ENPP3: variants seen among roughly 807,000 people sequenced by gnomAD.
ENPP3 encodes ectonucleotide pyrophosphatase/phosphodiesterase 3.
In ENPP3, 104 loss-of-function variants were observed where a neutral mutation model predicts 117.8. That is an observed-to-expected ratio of 0.88 (90% CI 0.75 to 1.04). The LOEUF (loss-of-function observed/expected upper bound fraction) is 1.04. Ranked by LOEUF, ENPP3 falls within the 50% of genes least tolerant of loss-of-function variation. The pLI, the probability that ENPP3 is intolerant of heterozygous loss-of-function variation, is 0.00. For synonymous variants in ENPP3, 380 were observed against 349.9 expected, an observed-to-expected ratio of 1.09 and a Z score of -0.96; for missense variants, 1,026 against 1,051.9, an observed-to-expected ratio of 0.98 and a Z score of 0.34.
chr6:131,647,103 A>T (rs1026846204), intron 2 of ENPP3, among the ~76,000 whole-genome samples: 13 of 151,384 alleles, frequency 8.6e-5, no homozygotes, highest in African/African-American at 2.9e-4. Flanking sequence ...CAAACTCCTG[A>T]GCTCAGGTGA....
chr6:131,717,346 C>CGG (rs1183549477), intron 15 of ENPP3, among the ~76,000 whole-genome samples: 41 of 91,256 alleles, frequency 4.5e-4, no homozygotes, highest in African/African-American at 1.2e-3. Flanking sequence ...AGAAACCCTG[C>CGG]GGGGGGTGTG....
At chr6:131,652,805 C>G (rs777009208) in intron 4 of ENPP3, 26 bp from the exon 5 acceptor site, 5 of 1,605,912 alleles carry the variant, frequency 3.1e-6, no homozygotes, top group African/African-American at 2.7e-5. Context: ...CAGCAAGTAT[C>G]AAGATTTTGA....
chr6:131,657,725 T>G (rs1778414820), intron 5 of ENPP3, among the ~76,000 whole-genome samples: 1 of 152,178 alleles, frequency 6.6e-6, no homozygotes, highest in Non-Finnish European at 1.5e-5. Flanking sequence ...TGGTGGGGTG[T>G]GGTTTGGAGA....
intron 11 of ENPP3, among the ~76,000 whole-genome samples, chr6:131,679,895 G>T (rs896652142): frequency 6.6e-6 from 1 of 152,158 alleles, no homozygotes; most frequent in Non-Finnish European, 1.5e-5. Flanking sequence ...CAAGCTATGA[G>T]AATTATCTCC....
chr6:131,645,919 C>T (rs908349655), intron 2 of ENPP3, among the ~76,000 whole-genome samples: 1 of 152,122 alleles, frequency 6.6e-6, no homozygotes, highest in African/African-American at 2.4e-5. Context: ...AATTTACGCT[C>T]TTCAATTCTG....
chr6:131,675,192 A>G lies in ENPP3; in HGVS notation c.872+3A>G, dbSNP rs1778840522. 1 of 1,490,478 alleles carries G rather than the reference A, an allele frequency of 6.7e-7. No individual in the cohort carries two copies. Among genetic ancestry groups the G allele is most frequent in the African/African-American group, 1.4e-5 (1 of 72,570 alleles). The allele number at this position is 1,490,478 out of a possible 1,614,324, so 92.3% of individuals were successfully genotyped here. A position where few individuals can be genotyped will look rare whatever the true frequency, so the allele number is the denominator to read the frequency against. On this transcript the variant is annotated splice_donor_region_variant and intron_variant, in intron 9 of 24. Transcript: ENST00000357639. ...TCCATATACATGCCTTACAACGGGT[A>G]GTGAAGCACTTTCAGATATTCTCCC...
At chr6:131,701,701 T>A (rs1232382443) in intron 15 of ENPP3, among the ~76,000 whole-genome samples, 47 of 148,810 alleles carry the variant, frequency 3.2e-4, no homozygotes, top group African/African-American at 1.1e-3. Flanking sequence ...GACAACACGG[T>A]GAAACCCCAT....
chr6:131,690,672 C>T (rs542566111), intron 14 of ENPP3, among the ~76,000 whole-genome samples: 5 of 152,128 alleles, frequency 3.3e-5, no homozygotes, highest in African/African-American at 4.8e-5. Flanking sequence ...TGACGATAAA[C>T]GCTGAGCAAA....
At chr6:131,691,317 G>A (rs868867085) in intron 14 of ENPP3, among the ~76,000 whole-genome samples, 1 of 152,010 alleles carries the variant, frequency 6.6e-6, no homozygotes, top group African/African-American at 2.4e-5. Context: ...GGCCGGGCGC[G>A]GTGGCTCATT....
intron 1 of ENPP3, among the ~76,000 whole-genome samples, chr6:131,639,389 A>G (rs116293623): frequency 0.014 from 2,112 of 150,994 alleles, 44 homozygotes; most frequent in African/African-American, 0.045. Flanking sequence ...GGCTCAAATG[A>G]TCTTCCCATC....
intron 5 of ENPP3, among the ~76,000 whole-genome samples, chr6:131,656,113 C>T (rs536260174): frequency 6.6e-6 from 1 of 152,248 alleles, no homozygotes; most frequent in East Asian, 1.9e-4. Context: ...GGAGCTTAGA[C>T]TCTTAAACCA....
intron 11 of ENPP3, among the ~76,000 whole-genome samples, chr6:131,678,913 CTT>C (rs1313411222): frequency 2.0e-3 from 102 of 51,132 alleles, no homozygotes; most frequent in African/African-American, 0.015. Flanking sequence ...TTCTCTCTTT[CTT>C]TCTTTCTTTC....
rs1778949800 is a variant in ENPP3, at chr6:131,679,005, C to CCTTG, written c.1011+1068_1011+1069insGCTT. On this transcript the variant is annotated intron_variant, in intron 11 of 24. Coordinates refer to ENST00000357639, the MANE Select transcript of ENPP3 (RefSeq NM_005021.5). ...TCCTTCCTTCCTTCCTTCCTTGCTT[C>CCTTG]CTTCCTTCCTTCCTTCCTTCCTTCT... Among the ~76,000 whole-genome samples, 4 of 82,882 alleles carry CCTTG rather than the reference C, an allele frequency of 4.8e-5. 1 individual carries two copies. Among genetic ancestry groups the CCTTG allele is most frequent in the South Asian group, 9.2e-4 (2 of 2,174 alleles). The allele number at this position is 82,882 out of a possible 152,430, so 54.4% of individuals were successfully genotyped here.
intron 15 of ENPP3, among the ~76,000 whole-genome samples, chr6:131,706,533 C>A (rs1325822101): frequency 6.6e-6 from 1 of 151,156 alleles, no homozygotes; most frequent in African/African-American, 2.5e-5. Context: ...TTTCTCAGAA[C>A]GTATCCGCAT....
chr6:131,664,169 A>G (rs763749810), intron 6 of ENPP3, among the ~76,000 whole-genome samples: 2 of 152,194 alleles, frequency 1.3e-5, no homozygotes, highest in Non-Finnish European at 2.9e-5. Flanking sequence ...TGACAGCTCT[A>G]TGCATATTAT....
intron 14 of ENPP3, among the ~76,000 whole-genome samples, chr6:131,688,523 G>A (rs1213010870): frequency 1.3e-5 from 2 of 152,170 alleles, no homozygotes; most frequent in East Asian, 1.9e-4. Flanking sequence ...AAAATGAGAA[G>A]TGCTATTCTA....
chr6:131,675,254 A>G (rs1191663386), intron 9 of ENPP3, 65 bp downstream of exon 9: 2 of 1,080,522 alleles, frequency 1.9e-6, no homozygotes, highest in African/African-American at 1.6e-5. Flanking sequence ...TTCTGTCTTA[A>G]TCTTGGTGGC....
rs1342507947 is a variant in ENPP3 at position 131,650,127 on chromosome 6, T to A, written c.255T>A (p.Phe85Leu). The change falls in exon 3 of 25, where the codon TTT becomes TTA. Residue 85 changes from phenylalanine to leucine, a missense_variant. Physicochemically the swap from Phe to Leu is conservative, Grantham distance 22 (BLOSUM62 0). Coordinates refer to ENST00000357639, the MANE Select transcript of ENPP3 (RefSeq NM_005021.5). ...ACCGAGGTGATTGCTGCTGGGATTT[T>A]GAAGACACCTGTGTGGAATCAAGTA... is the stretch of plus-strand genomic sequence containing the variant. ...CKDRGDCCWD[F>L]EDTCVESTRI... 6.2e-7 allele frequency: 1 copy of A among 1,614,122 alleles called. No individual in the cohort carries two copies. The highest frequency in any genetic ancestry group is 8.5e-7 in the Non-Finnish European group (1 of 1,179,996).
At chr6:131,656,932 G>A (rs1038320730) in intron 5 of ENPP3, among the ~76,000 whole-genome samples, 1 of 151,980 alleles carries the variant, frequency 6.6e-6, no homozygotes, top group Non-Finnish European at 1.5e-5. Flanking sequence ...TTAAAAAAGG[G>A]GTGCATTGGA....
Sources: gnomAD v4.1 joint callset for allele counts (sites outside exome capture counted in the v4.1 genomes callset) on GRCh38, gnomAD v4.1.1 for gene constraint, MANE v1.5 for transcripts, NCBI Gene and HGNC (gene_info 2026-07-23, HGNC 2026-07-21) for gene names.